The following LCLAT1 variants were observed in gnomAD, a reference collection of about 807,000 sequenced individuals.
The protein encoded by LCLAT1 is lysocardiolipin acyltransferase 1, also known as 1-AGP acyltransferase 8.
Under a neutral mutation model 30.7 loss-of-function variants are expected in LCLAT1, and 11 were observed. The observed-to-expected ratio is 0.36, with a 90% CI of 0.23 to 0.59. The LOEUF (loss-of-function observed/expected upper bound fraction) is 0.59, where lower values mean the gene tolerates loss of function less well. Ranked by LOEUF, LCLAT1 falls within the 20% of genes least tolerant of loss-of-function variation. The pLI is 0.77. For synonymous variants in LCLAT1, 155 were observed against 151.3 expected (o/e 1.02, Z -0.18); for missense variants, 402 against 458.6 (o/e 0.88, Z 1.13).
chr2:30,588,421 T>C (rs781076872), intron 5 of LCLAT1, among the ~76,000 whole-genome samples: 1 of 152,344 alleles, frequency 6.6e-6, no homozygotes, highest in Admixed American at 6.5e-5. Flanking sequence ...CACTGCCATA[T>C]CATTCATGCA....
intron 1 of LCLAT1, among the ~76,000 whole-genome samples, chr2:30,509,569 A>G (rs1684838213): frequency 6.7e-6 from 1 of 150,148 alleles, no homozygotes; most frequent in African/African-American, 2.4e-5. Flanking sequence ...GTCAAAGCAG[A>G]ATACTTTTTT....
chr2:30,605,675 G>A (rs188907697), intron 5 of LCLAT1, among the ~76,000 whole-genome samples: 1 of 152,202 alleles, frequency 6.6e-6, no homozygotes, highest in Admixed American at 6.5e-5. Flanking sequence ...CTACAACTCT[G>A]AAGCTGCACC....
chr2:30,575,732 T>G (rs973212733), intron 5 of LCLAT1, among the ~76,000 whole-genome samples: 1 of 152,184 alleles, frequency 6.6e-6, no homozygotes. Flanking sequence ...TCTTGGCATG[T>G]GATCATGTAA....
chr2:30,456,810 T>G (rs533425567), intron 1 of LCLAT1, among the ~76,000 whole-genome samples: 1 of 152,308 alleles, frequency 6.6e-6, no homozygotes, highest in African/African-American at 2.4e-5. Flanking sequence ...TTCCCATATT[T>G]GTTTACCTAT....
At chr2:30,465,854 C>A (rs750542521) in intron 1 of LCLAT1, among the ~76,000 whole-genome samples, 11 of 152,050 alleles carry the variant, frequency 7.2e-5, no homozygotes, top group Non-Finnish European at 7.4e-5. Context: ...CATGAAAGAA[C>A]AAAAGTCTTC....
In LCLAT1 at chr2:30,497,150, G is replaced by A. The variant is rs560083069; in HGVS notation, c.-4-28437G>A. On this transcript the variant is annotated intron_variant, in intron 1 of 5. Transcript: ENST00000379509. ...GCCCTGTGTATACCCTCTAGACTCA[G>A]CATTTTCTGATATAAACCGAAGTGC... Among the ~76,000 whole-genome samples, 3 of 152,302 alleles carry A rather than the reference G, an allele frequency of 2.0e-5. No homozygotes were observed. In the East Asian group the frequency reaches 5.8e-4, roughly 29 times the overall value.
intron 5 of LCLAT1, among the ~76,000 whole-genome samples, chr2:30,573,801 CA>C (rs1216886143): frequency 6.6e-6 from 1 of 152,142 alleles, no homozygotes; most frequent in Non-Finnish European, 1.5e-5. Flanking sequence ...CTCAAGCCTT[CA>C]GCACAGGGCC....
rs199519917 is a variant in LCLAT1, at chr2:30,642,389, CTT to C, written c.*1774_*1775del. 8.7e-6 allele frequency: 1 copy of C among 114,470 alleles called. No homozygotes were observed. Among genetic ancestry groups the C allele is most frequent in the African/African-American group, 3.4e-5 (1 of 29,246 alleles). 7.1% of individuals were successfully genotyped at this position (114,470 alleles called of 1,614,324 possible). A position where few individuals can be genotyped will look rare whatever the true frequency, so the allele number is the denominator to read the frequency against. ...TTCATGGTTTTACAGCTTGTTTTTT[CTT>C]TTTCTTTTCTTTTTTTTTTTTTTTT... On this transcript the variant is annotated 3_prime_UTR_variant, in exon 6 of 6. Transcript: ENST00000379509.
rs776617044 is a variant in LCLAT1, at chr2:30,533,216, T to C, written c.266T>C (p.Met89Thr). ...SVIIMNHRTR[M>T]DWMFLWNCLM... ...ATTATCATGAACCATCGGACAAGAA[T>C]GGACTGGATGTTCCTGTGGAATTGC... is the stretch of plus-strand genomic sequence containing the variant. Residue 89 changes from methionine to threonine, a missense_variant, in exon 3 of 6, where the codon ATG becomes ACG. Coordinates refer to ENST00000379509, the MANE Select transcript of LCLAT1 (RefSeq NM_001002257.3). The C allele has an allele frequency of 1.2e-6, 2 of 1,614,026 alleles. No individual in the cohort carries two copies. The highest frequency in any genetic ancestry group is 1.1e-5 in the South Asian group (1 of 91,086).
chr2:30,532,057 G>A (rs1472933897), intron 2 of LCLAT1, among the ~76,000 whole-genome samples: 1 of 151,952 alleles, frequency 6.6e-6, no homozygotes, highest in African/African-American at 2.4e-5. Context: ...TATAATTTTA[G>A]CATCTATATA....
chr2:30,498,687 A>G (rs1294332383), intron 1 of LCLAT1, among the ~76,000 whole-genome samples: 1 of 152,160 alleles, frequency 6.6e-6, no homozygotes, highest in Non-Finnish European at 1.5e-5. Context: ...TTCTGAGCTC[A>G]CTTTCTGCAG....
At chr2:30,513,935 C>A (rs2148362846) in intron 1 of LCLAT1, among the ~76,000 whole-genome samples, 1 of 152,338 alleles carries the variant, frequency 6.6e-6, no homozygotes, top group Non-Finnish European at 1.5e-5. Flanking sequence ...GGTCTGACCA[C>A]CTTGGGCACG....
chr2:30,582,378 T>C (rs1031241501), intron 5 of LCLAT1, among the ~76,000 whole-genome samples: 6 of 152,210 alleles, frequency 3.9e-5, no homozygotes, highest in Non-Finnish European at 8.8e-5. Flanking sequence ...AGGCACCACC[T>C]TGAAGAATAT....
chr2:30,519,027 AG>A (rs1322429393), intron 1 of LCLAT1, among the ~76,000 whole-genome samples: 1 of 152,220 alleles, frequency 6.6e-6, no homozygotes, highest in East Asian at 1.9e-4. Context: ...TGTGGCTACA[AG>A]GTTTCCAAAC....
chr2:30,456,974 T>A (rs1369257352), intron 1 of LCLAT1, among the ~76,000 whole-genome samples: 1 of 152,198 alleles, frequency 6.6e-6, no homozygotes, highest in Admixed American at 6.5e-5. Context: ...AGTAAGACAC[T>A]GAAGGAAGCT....
chr2:30,581,824 T>G (rs1038386751), intron 5 of LCLAT1, among the ~76,000 whole-genome samples: 2 of 152,166 alleles, frequency 1.3e-5, no homozygotes, highest in African/African-American at 4.8e-5. Flanking sequence ...AAGAATAAAT[T>G]ATAGTGTTCT....
chr2:30,614,791 A>G (rs1263328947), intron 5 of LCLAT1, among the ~76,000 whole-genome samples: 2 of 152,126 alleles, frequency 1.3e-5, no homozygotes, highest in Non-Finnish European at 2.9e-5. Flanking sequence ...GTGTGGATGG[A>G]GAAGAGTAAG....
At chr2:30,611,097 T>TC (rs1486539370) in intron 5 of LCLAT1, among the ~76,000 whole-genome samples, 107 of 150,038 alleles carry the variant, frequency 7.1e-4, no homozygotes, top group Non-Finnish European at 1.1e-3. Flanking sequence ...TTTTTTTTTT[T>TC]CCTATCAGTA....
intron 1 of LCLAT1, among the ~76,000 whole-genome samples, chr2:30,520,340 G>A (rs148950822): frequency 1.6e-4 from 24 of 152,242 alleles, no homozygotes; most frequent in Non-Finnish European, 2.2e-4. Flanking sequence ...TTTGTATGAG[G>A]TATTAAAAAT....
Sources: gnomAD v4.1 joint callset for allele counts (sites outside exome capture counted in the v4.1 genomes callset) on GRCh38, gnomAD v4.1.1 for gene constraint, MANE v1.5 for transcripts, NCBI Gene and HGNC (gene_info 2026-07-23, HGNC 2026-07-21) for gene names.